Variants in SIGLEC11 observed in about 807,000 individuals in gnomAD.
SIGLEC11 encodes the protein sialic acid binding Ig like lectin 11, also known as sialic acid-binding Ig-like lectin 11.
Under a neutral mutation model 61.2 loss-of-function variants are expected in SIGLEC11, and 47 were observed. The ratio of observed to expected loss-of-function variants is 0.77; its 90% confidence interval spans 0.61 to 0.98. The LOEUF (loss-of-function observed/expected upper bound fraction) is 0.98. Among genes scored for constraint, SIGLEC11 ranks in the 50% least tolerant of loss-of-function variants. SIGLEC11 has a pLI of 0.00. For missense variants in SIGLEC11, 610 were observed against 870.3 expected (o/e 0.70, Z 3.76); for synonymous variants, 278 against 373.1 (o/e 0.75, Z 2.94).
rs1447782907 is a variant in SIGLEC11, at chr19:49,959,075, G to C, written c.1060C>G (p.Pro354Ala). 15 of 1,613,748 alleles carry C rather than the reference G, an allele frequency of 9.3e-6. No homozygotes were observed. Among genetic ancestry groups the C allele is most frequent in the Non-Finnish European group, 1.2e-5 (14 of 1,179,832 alleles). ...ACCATCACTCTCAGGTTCTCTGGAG[G>C]ATCTGAAATGGAGACAGGGGACCGG... Reference protein sequence around the residue: ...QQALDLSVQYPPENLRVMVSQ... With the variant: ...QQALDLSVQYAPENLRVMVSQ... The change falls in exon 6 of 11, where the codon CCT (proline) becomes GCT (alanine). Residue 354 changes from proline (P) to alanine (A), a missense_variant and splice_region_variant. Transcript: ENST00000447370.
chr19:49,957,552 C>T (rs1449239914), intron 8 of SIGLEC11, among the ~76,000 whole-genome samples: 2 of 152,004 alleles, frequency 1.3e-5, no homozygotes, highest in East Asian at 3.8e-4. Flanking sequence ...AATTCTTTTA[C>T]TGTTACTCCT....
At chr19:49,953,279 A>G (rs1193421778) in intron 8 of SIGLEC11, among the ~76,000 whole-genome samples, 1 of 152,172 alleles carries the variant, frequency 6.6e-6, no homozygotes, top group Non-Finnish European at 1.5e-5. Flanking sequence ...GAACCACAGT[A>G]ACCTTTTGGG....
chr19:49,954,314 GC>G (rs1335048717), intron 8 of SIGLEC11, among the ~76,000 whole-genome samples: 2 of 152,128 alleles, frequency 1.3e-5, no homozygotes, highest in African/African-American at 4.8e-5. Context: ...GAGGCCAACA[GC>G]CCTCCAGGAA....
At position 49,958,378 on chromosome 19, in the gene SIGLEC11, C is replaced by T. The variant is rs1261534812; in HGVS notation, c.1556G>A (p.Ser519Asn). 6.2e-7 allele frequency: 1 copy of T among 1,614,168 alleles called. No homozygotes were observed. Among genetic ancestry groups the T allele is most frequent in the Non-Finnish European group, 8.5e-7 (1 of 1,180,020 alleles). Residue 519 changes from serine to asparagine, a missense_variant, in exon 8 of 11, where the codon AGC (serine) becomes AAC (asparagine). By Grantham distance (46) the Ser-to-Asn change is conservative. This residue lies in a region of SIGLEC11 where 432 missense variants were observed against 441.5 expected (regional missense o/e 0.98). Coordinates refer to ENST00000447370, the MANE Select transcript of SIGLEC11 (RefSeq NM_052884.3). ...GCCGGAGCTGAGCCCTCCATGGAGG[C>T]TCAGGGAGCTGTTGGCCCAGGGCCC... Reference protein sequence around the residue: ...SAGPWANSSLSLHGGLSSGLR... With the variant: ...SAGPWANSSLNLHGGLSSGLR...
Position 49,950,059 on chromosome 19 carries a change from C to CCGAGTACT in SIGLEC11, c.2000_2007dup (p.Glu670SerfsTer13). ...GGCTGTCCTGTGTGGATCTTGATCT[C>CCGAGTACT]CGAGTACTCGGTGGTGCTGGGGGCC... On this transcript the variant is annotated frameshift_variant, in exon 11 of 11. Transcript: ENST00000447370. LOFTEE classifies it low-confidence loss of function (END_TRUNC). The CCGAGTACT allele has an allele frequency of 3.1e-6, 5 of 1,597,762 alleles. No individual in the cohort carries two copies. The highest frequency in any genetic ancestry group is 3.4e-6 in the Non-Finnish European group (4 of 1,170,386).
Position 49,960,703 on chromosome 19 carries a change from G to T in SIGLEC11, c.309C>A (p.Phe103Leu), listed in dbSNP as rs1171501136. The change falls in exon 2 of 11, where the codon TTC (phenylalanine) becomes TTA (leucine). Residue 103 changes from phenylalanine (F) to leucine (L), a missense_variant. This residue lies in a region of SIGLEC11 where 99 missense variants were observed against 131.6 expected (regional missense o/e 0.75). Transcript: ENST00000447370. Reference protein sequence around the residue: ...REVEMSTRDRFQLTGDPGKGS... With the variant: ...REVEMSTRDRLQLTGDPGKGS... ...CTTTGCCGGGATCCCCAGTGAGCTG[G>T]AATCGGTCCCGGGTGCTCATTTCCA... 6 of 1,611,546 alleles carry T rather than the reference G, an allele frequency of 3.7e-6. No homozygotes were observed. The highest frequency in any genetic ancestry group is 1.7e-5 in the Admixed American group (1 of 59,874).
chr19:49,955,085 G>A lies in SIGLEC11; in HGVS notation c.1652-2691C>T, dbSNP rs1050076024. Among the ~76,000 whole-genome samples, 1 of 152,150 alleles carries A rather than the reference G, an allele frequency of 6.6e-6. No homozygotes were observed. Among genetic ancestry groups the A allele is most frequent in the African/African-American group, 2.4e-5 (1 of 41,420 alleles). ...GCGCATGGTAAACACAGCATTTGTA[G>A]GGCAAGCCCAGGGTGACGTCAAGCG... is the stretch of plus-strand genomic sequence containing the variant. On this transcript the variant is annotated intron_variant, in intron 8 of 10. Coordinates refer to ENST00000447370, the MANE Select transcript of SIGLEC11 (RefSeq NM_052884.3). The surrounding 1 kb of genome is among the most constrained non-coding windows in gnomAD (Gnocchi z 4.5).
At chr19:49,952,476 C>A in intron 8 of SIGLEC11, 82 bp from the exon 9 acceptor site, 1 of 979,734 alleles carries the variant, frequency 1.0e-6, no homozygotes, top group Non-Finnish European at 1.5e-6. Context: ...CTAGAGCTCT[C>A]GGATTCTTCA....
At chr19:49,958,253 C>G in intron 8 of SIGLEC11, 30 bp downstream of exon 8, 1 of 1,607,572 alleles carries the variant, frequency 6.2e-7, no homozygotes, top group Non-Finnish European at 8.5e-7. Flanking sequence ...TCCTTTCTCC[C>G]TGAACCTCAG....
Position 49,955,289 on chromosome 19 carries a change from C to T in SIGLEC11, c.1652-2895G>A, listed in dbSNP as rs186318895. On this transcript the variant is annotated intron_variant, in intron 8 of 10. Transcript: ENST00000447370. The surrounding 1 kb of genome is among the most constrained non-coding windows in gnomAD (Gnocchi z 4.5). The stretch of plus-strand genomic sequence containing the variant: ...GGCTCTATCTGGAAAAAGAGCGGGG[C>T]GGGGACTGGCCCCAGAAAAAAAGCC... 1.4e-4 allele frequency among the ~76,000 whole-genome samples: 17 copies of T among 119,528 alleles called. No homozygotes were observed. The East Asian group carries it at 2.5e-3, about 18-fold the overall frequency. 78.4% of individuals were successfully genotyped at this position (119,528 alleles called of 152,430 possible).
chr19:49,957,206 G>T (rs905141118), intron 8 of SIGLEC11, among the ~76,000 whole-genome samples: 1 of 152,106 alleles, frequency 6.6e-6, no homozygotes, highest in Non-Finnish European at 1.5e-5. Flanking sequence ...TAACGGCTCT[G>T]CATAAATATC....
intron 8 of SIGLEC11, among the ~76,000 whole-genome samples, chr19:49,957,852 G>A (rs2076208771): frequency 6.6e-6 from 1 of 152,086 alleles, no homozygotes; most frequent in Admixed American, 6.5e-5. Flanking sequence ...TTAGCTGGGC[G>A]TGGTGGCGCA....
rs774072610 is a variant in SIGLEC11 at position 49,958,268 on chromosome 19, C to G, written c.1651+15G>C. On this transcript the variant is annotated intron_variant, in intron 8 of 10. Transcript: ENST00000447370. The stretch of plus-strand genomic sequence containing the variant: ...TCCTTTCTCCCTGAACCTCAGCCCC[C>G]CACAGTCCCCTCACCTGGTAGCAGC... 5 of 1,612,716 alleles carry G rather than the reference C, an allele frequency of 3.1e-6. No individual in the cohort carries two copies. The highest frequency in any genetic ancestry group is 4.2e-6 in the Non-Finnish European group (5 of 1,179,662).
Position 49,958,924 on chromosome 19 carries a change from G to A in SIGLEC11, c.1106-24C>T, listed in dbSNP as rs201860708. Reference sequence around the variant, plus strand: ...GACTAGGGAAGGAAGAGGCAGAATCGACGTGCAGCTCAGGGCTCAGGGACC... The same window carrying A: ...GACTAGGGAAGGAAGAGGCAGAATCAACGTGCAGCTCAGGGCTCAGGGACC... On this transcript the variant is annotated intron_variant, in intron 6 of 10. Transcript: ENST00000447370. The A allele has an allele frequency of 5.1e-3, 8,151 of 1,604,528 alleles. 25 individuals carry two copies. Among genetic ancestry groups the A allele is most frequent in the Non-Finnish European group, 6.2e-3 (7,290 of 1,174,418 alleles).
intron 10 of SIGLEC11, among the ~76,000 whole-genome samples, chr19:49,950,458 A>G (rs1040762582): frequency 6.6e-6 from 1 of 152,122 alleles, no homozygotes; most frequent in Non-Finnish European, 1.5e-5. Context: ...TGCCAGACTC[A>G]TAAAATCCTC....
chr19:49,952,271 C>T (rs78910892), intron 9 of SIGLEC11, 27 bp downstream of exon 9: 1 of 1,606,224 alleles, frequency 6.2e-7, no homozygotes, highest in African/African-American at 1.3e-5. Context: ...TTCCCACACC[C>T]TGCATTGCCT....
rs767105458 is a variant in SIGLEC11 at position 49,958,498 on chromosome 19, G to C, written c.1436C>G (p.Ala479Gly). ...EGLHCSCSSQASPAPSLRWWL... is the reference protein window; with the variant it reads ...EGLHCSCSSQGSPAPSLRWWL... ...CCAGCGCAGAGAGGGGGCCGGGCTGGCCTGGGAGGAGCAGCTGCAGTGCAG... is the reference window on the plus strand; with the variant it reads ...CCAGCGCAGAGAGGGGGCCGGGCTGCCCTGGGAGGAGCAGCTGCAGTGCAG... The change falls in exon 8 of 11, where the codon GCC (alanine) becomes GGC (glycine). Residue 479 changes from alanine to glycine, a missense_variant. Transcript: ENST00000447370. 1.2e-5 allele frequency: 20 copies of C among 1,609,718 alleles called. No homozygotes were observed. In the African/African-American group the frequency reaches 2.3e-4, roughly 18 times the overall value.
At position 49,958,667 on chromosome 19, in the gene SIGLEC11, C is replaced by T. The variant is rs749024800; in HGVS notation, c.1339G>A (p.Val447Ile). The T allele has an allele frequency of 2.7e-5, 44 of 1,603,622 alleles. No individual in the cohort carries two copies. The highest frequency in any genetic ancestry group is 1.2e-4 in the African/African-American group (9 of 74,796). Residue 447 changes from valine to isoleucine, a missense_variant, in exon 7 of 11, where the codon GTC becomes ATC. Physicochemically the swap from Val to Ile is conservative, Grantham distance 29. Around this residue, in one of 6 missense-constraint regions of SIGLEC11, gnomAD observed 432 missense variants for 441.5 expected, o/e 0.98. Transcript: ENST00000447370. ...CAGTGCACGGAGAGGCTGAGAGAGA[C>T]GTGCTGGGAGCCCAGAGGGTGCTGA... ...HAQHPLGSQH[V>I]SLSLSVHYPP...
Position 49,950,939 on chromosome 19 carries a change from C to T in SIGLEC11, c.1831-703G>A, listed in dbSNP as rs190578415. Among the ~76,000 whole-genome samples, 72 of 152,266 alleles carry T rather than the reference C, an allele frequency of 4.7e-4. 1 individual carries two copies. The highest frequency in any genetic ancestry group is 8.5e-4 in the Admixed American group (13 of 15,298). On this transcript the variant is annotated intron_variant, in intron 10 of 10. Transcript: ENST00000447370. ...GAAAGGTTACTGGAAGTAAAGGATT[C>T]CCCTTGCCCAGAGAAAGCTTCAACC... is the stretch of plus-strand genomic sequence containing the variant.
Sources: allele counts gnomAD v4.1 joint callset (sites outside exome capture counted in the v4.1 genomes callset), GRCh38; gene constraint gnomAD v4.1.1; regional missense constraint gnomAD v4.1.1; non-coding constraint Gnocchi (gnomAD v3.1); transcripts MANE v1.5; gene names NCBI Gene and HGNC (gene_info 2026-07-23, HGNC 2026-07-21).